The following SNX1 variants were observed in gnomAD, a reference collection of about 807,000 sequenced individuals.
SNX1 encodes the protein sorting nexin 1, also known as sorting nexin-1.
A neutral mutation model predicts 71.8 loss-of-function variants in SNX1; 36 were observed. The observed-to-expected ratio is 0.50, with a 90% CI of 0.38 to 0.66. The LOEUF (loss-of-function observed/expected upper bound fraction) is 0.66. Ranked by LOEUF, SNX1 falls within the 30% of genes least tolerant of loss-of-function variation. SNX1 has a pLI of 0.00. For synonymous variants in SNX1, 254 were observed against 240.7 expected, an observed-to-expected ratio of 1.06 and a Z score of -0.51; for missense variants, 612 against 646.7, an observed-to-expected ratio of 0.95 and a Z score of 0.58.
At position 64,127,499 on chromosome 15, in the gene SNX1, A is replaced by T. The variant is rs189311550; in HGVS notation, c.732-232A>T. ...CATATTCTTAGACAATCAATCAAAT[A>T]TGAATGGCTCTGAGGTTTCTTTCTG... On this transcript the variant is annotated intron_variant, in intron 7 of 14. Transcript: ENST00000559844. 3.3e-5 allele frequency among the ~76,000 whole-genome samples: 5 copies of T among 152,328 alleles called. No individual in the cohort carries two copies. The East Asian group carries it at 9.6e-4, about 29-fold the overall frequency.
At chr15:64,124,147 C>CATATATATAT (rs10523424) in intron 5 of SNX1, among the ~76,000 whole-genome samples, 1,954 of 104,798 alleles carry the variant, frequency 0.019, 88 homozygotes, top group South Asian at 0.052. Context: ...GAAATCTTTA[C>CATATATATAT]ATATATATAT....
At chr15:64,108,557 T>G (rs1210129666) in intron 1 of SNX1, among the ~76,000 whole-genome samples, 1 of 152,208 alleles carries the variant, frequency 6.6e-6, no homozygotes, top group Non-Finnish European at 1.5e-5. Flanking sequence ...TCTGCTCAGT[T>G]TTTTTAAAAA....
chr15:64,134,910 C>T lies in SNX1; in HGVS notation c.1365+103C>T. 6.9e-7 allele frequency: 1 copy of T among 1,446,742 alleles called. No individual in the cohort carries two copies. Among genetic ancestry groups the T allele is most frequent in the South Asian group, 1.3e-5 (1 of 75,256 alleles). The allele number at this position is 1,446,742 out of a possible 1,614,324, so 89.6% of individuals were successfully genotyped here. ...TTGGAACCCCACAGGGGGAAGAGCG[C>T]TGATTGAGTCTAAAGGGCCGTGGCT... On this transcript the variant is annotated intron_variant, in intron 12 of 14. Coordinates refer to ENST00000559844, the MANE Select transcript of SNX1 (RefSeq NM_003099.5). The surrounding 1 kb of genome is among the most constrained non-coding windows in gnomAD (Gnocchi z 4.1).
chr15:64,113,520 C>G (rs2081098616), intron 2 of SNX1, among the ~76,000 whole-genome samples: 1 of 152,094 alleles, frequency 6.6e-6, no homozygotes, highest in South Asian at 2.1e-4. Context: ...TGAAAAAACC[C>G]TGTCTAAAGT....
At chr15:64,100,911 C>T (rs988378938) in intron 1 of SNX1, among the ~76,000 whole-genome samples, 9 of 152,150 alleles carry the variant, frequency 5.9e-5, no homozygotes, top group Admixed American at 5.9e-4. Flanking sequence ...GCTAAGTGAT[C>T]CTCTCACCTC....
rs528152940 is a variant in SNX1, at chr15:64,126,825, G to A, written c.653-349G>A. Among the ~76,000 whole-genome samples, 23 of 152,244 alleles carry A rather than the reference G, an allele frequency of 1.5e-4. 1 individual carries two copies. In the South Asian group the frequency reaches 3.9e-3, roughly 26 times the overall value. Reference sequence around the variant, plus strand: ...GATCTCTTGACCTCGTGGTCCGCCCGCCTTGGCCTCCCAAAGTGCTGGGAT... The same window carrying A: ...GATCTCTTGACCTCGTGGTCCGCCCACCTTGGCCTCCCAAAGTGCTGGGAT... On this transcript the variant is annotated intron_variant, in intron 6 of 14. Coordinates refer to ENST00000559844, the MANE Select transcript of SNX1 (RefSeq NM_003099.5).
rs561989468 is a variant in SNX1 at position 64,137,840 on chromosome 15, G to A, written c.*222G>A. On this transcript the variant is annotated 3_prime_UTR_variant, in exon 15 of 15. Coordinates refer to ENST00000559844, the MANE Select transcript of SNX1 (RefSeq NM_003099.5). ...GAATAGTTTCCTGCTTTAAGCAAAA[G>A]ACCTACAATAGGTGGTGGAATTATG... The A allele has an allele frequency of 6.4e-6, 9 of 1,412,510 alleles. No individual in the cohort carries two copies. In the Admixed American group the frequency reaches 2.7e-4, roughly 42 times the overall value. 87.5% of individuals were successfully genotyped at this position (1,412,510 alleles called of 1,614,324 possible). A position where few individuals can be genotyped will look rare whatever the true frequency, so the allele number is the denominator to read the frequency against.
intron 4 of SNX1, among the ~76,000 whole-genome samples, chr15:64,120,746 T>C (rs1595991970): frequency 6.6e-6 from 1 of 151,896 alleles, no homozygotes; most frequent in Admixed American, 6.6e-5. Flanking sequence ...GAGGCCGAGG[T>C]GGGAGGATCA....
chr15:64,096,323 G>C lies in SNX1; in HGVS notation c.159+151G>C, dbSNP rs1461181426. On this transcript the variant is annotated intron_variant, in intron 1 of 14. Coordinates refer to ENST00000559844, the MANE Select transcript of SNX1 (RefSeq NM_003099.5). ...GGCCCCGGGGACCCTGGATGTGCTCGAAGCGGTAGAGCTTGGCTTCCCGGC... is the reference window on the plus strand; with the variant it reads ...GGCCCCGGGGACCCTGGATGTGCTCCAAGCGGTAGAGCTTGGCTTCCCGGC... 5 of 940,106 alleles carry C rather than the reference G, an allele frequency of 5.3e-6. No individual in the cohort carries two copies. In the African/African-American group the frequency reaches 8.5e-5, roughly 16 times the overall value. The allele number at this position is 940,106 out of a possible 1,614,324, so 58.2% of individuals were successfully genotyped here. A position where few individuals can be genotyped will look rare whatever the true frequency, so the allele number is the denominator to read the frequency against.
Position 64,123,659 on chromosome 15 carries a change from A to G in SNX1, c.510+113A>G. ...CCTTTGTTTCTTTGCCAACATCTTCATGTTTACTCAAGATAGAGCAAGCCT... is the reference window on the plus strand; with the variant it reads ...CCTTTGTTTCTTTGCCAACATCTTCGTGTTTACTCAAGATAGAGCAAGCCT... On this transcript the variant is annotated intron_variant, in intron 5 of 14. Coordinates refer to ENST00000559844, the MANE Select transcript of SNX1 (RefSeq NM_003099.5). 3 of 873,356 alleles carry G rather than the reference A, an allele frequency of 3.4e-6. No homozygotes were observed. The South Asian group carries it at 4.4e-5, about 13-fold the overall frequency. The allele number at this position is 873,356 out of a possible 1,614,324, so 54.1% of individuals were successfully genotyped here.
chr15:64,123,398 C>A, intron 4 of SNX1, 105 bp from the exon 5 acceptor site: 1 of 952,170 alleles, frequency 1.1e-6, no homozygotes, highest in African/African-American at 1.6e-5. Context: ...AGCATCCCTT[C>A]TTATCCAGGG....
In SNX1 at chr15:64,134,388, G is replaced by A. The variant is rs138796971; in HGVS notation, c.1222-276G>A. ...GGCACTTCTGTAAGCCATAGTATTG[G>A]TCACTGGCATGAGGCCACCTACTGG... On this transcript the variant is annotated intron_variant, in intron 11 of 14. Coordinates refer to ENST00000559844, the MANE Select transcript of SNX1 (RefSeq NM_003099.5). This position sits in a 1 kb window ranked among gnomAD's most constrained non-coding sequence, Gnocchi z 4.1. 10 of 431,918 alleles carry A rather than the reference G, an allele frequency of 2.3e-5. No homozygotes were observed. The East Asian group carries it at 4.2e-4, about 18-fold the overall frequency. The allele number at this position is 431,918 out of a possible 1,614,324, so 26.8% of individuals were successfully genotyped here.
intron 11 of SNX1, 60 bp downstream of exon 11, chr15:64,131,952 G>T: frequency 6.4e-7 from 1 of 1,563,324 alleles, no homozygotes; most frequent in East Asian, 2.2e-5. Flanking sequence ...TCCTTTGCTG[G>T]TCCCCTTCCC....
In SNX1 at chr15:64,139,354, GTT is replaced by G. The variant is rs1431740272; in HGVS notation, c.*1739_*1740del. On this transcript the variant is annotated 3_prime_UTR_variant, in exon 15 of 15. Transcript: ENST00000559844. ...TTGGATTCTTGGTCAGGGGTTGTTT[GTT>G]TTGTTTTATTGGTAACTTTAAAATT... The G allele has an allele frequency of 7.4e-6, 1 of 134,630 alleles. No individual in the cohort carries two copies. Among genetic ancestry groups the G allele is most frequent in the African/African-American group, 2.9e-5 (1 of 35,054 alleles). The allele number at this position is 134,630 out of a possible 1,614,324, so 8.3% of individuals were successfully genotyped here. A position where few individuals can be genotyped will look rare whatever the true frequency, so the allele number is the denominator to read the frequency against.
chr15:64,134,645 C>T lies in SNX1; in HGVS notation c.1222-19C>T. 16 of 1,603,214 alleles carry T rather than the reference C, an allele frequency of 1.0e-5. No homozygotes were observed. The highest frequency in any genetic ancestry group is 2.2e-5 in the South Asian group (2 of 89,524). On this transcript the variant is annotated intron_variant, in intron 11 of 14. Transcript: ENST00000559844. This position sits in a 1 kb window ranked among gnomAD's most constrained non-coding sequence, Gnocchi z 4.1. The stretch of plus-strand genomic sequence containing the variant: ...TCTTGAAGAGCTGGTTGTGCTCCTC[C>T]TCAACCCCACCCCCACAGGCTGCCT...
intron 4 of SNX1, among the ~76,000 whole-genome samples, chr15:64,120,266 C>CTTTTTTTTTTTT (rs35526278): frequency 1.3e-4 from 9 of 67,088 alleles, no homozygotes; most frequent in African/African-American, 5.1e-4. Context: ...AAATGGTTGT[C>CTTTTTTTTTTTT]TTTTTTTTTT....
Position 64,138,157 on chromosome 15 carries a change from G to A in SNX1, c.*539G>A. ...TGTGCTGCTGCTTCCCTCTGGAAAT[G>A]GGGTTTCTTTCTCTCCGCCTACCTC... On this transcript the variant is annotated 3_prime_UTR_variant, in exon 15 of 15. Coordinates refer to ENST00000559844, the MANE Select transcript of SNX1 (RefSeq NM_003099.5). 1.3e-6 allele frequency: 2 copies of A among 1,535,600 alleles called. No homozygotes were observed. Among genetic ancestry groups the A allele is most frequent in the Admixed American group, 3.9e-5 (2 of 50,968 alleles).
chr15:64,132,292 G>T (rs545167692), intron 11 of SNX1: 1 of 219,612 alleles, frequency 4.6e-6, no homozygotes, highest in South Asian at 6.7e-5. Context: ...GTAACTGGTG[G>T]CTTTGCCCTG....
rs985002276 is a variant in SNX1, at chr15:64,127,228, A to G, written c.707A>G (p.Glu236Gly). ...GATTCTTCTTCTGCAGAATTTCTTG[A>G]AAAACGGAGGGCCGCTTTAGAAAGG... ...KEDSSSAEFL[E>G]KRRAALERYL... is the part of the protein sequence containing the mutation. Residue 236 changes from glutamate to glycine, a missense_variant, in exon 7 of 15, where the codon GAA becomes GGA. Transcript: ENST00000559844. The G allele has an allele frequency of 6.2e-7, 1 of 1,613,626 alleles. No homozygotes were observed. The highest frequency in any genetic ancestry group is 8.5e-7 in the Non-Finnish European group (1 of 1,179,792).
Sources: allele counts gnomAD v4.1 joint callset (sites outside exome capture counted in the v4.1 genomes callset), GRCh38; gene constraint gnomAD v4.1.1; non-coding constraint Gnocchi (gnomAD v3.1); transcripts MANE v1.5; gene names NCBI Gene and HGNC (gene_info 2026-07-23, HGNC 2026-07-21).